Variants in EIF4G1 observed in about 807,000 individuals in gnomAD.
EIF4G1 encodes the protein EIF4-gamma.
EIF4G1 carries 4 observed loss-of-function variants against 187.8 expected under a neutral mutation model. The observed-to-expected ratio is 0.02, with a 90% CI of 0.01 to 0.05. The LOEUF is 0.05. EIF4G1 is among the 10% of genes least tolerant of loss of function. EIF4G1 has a pLI of 1.00. For synonymous variants in EIF4G1, 844 were observed against 781.4 expected, an observed-to-expected ratio of 1.08 and a Z score of -1.34; for missense variants, 1,647 against 2,081.1, an observed-to-expected ratio of 0.79 and a Z score of 4.06.
chr3:184,319,579 G>A, intron 6 of EIF4G1, 110 bp from the exon 7 acceptor site: 1 of 761,824 alleles, frequency 1.3e-6, no homozygotes, highest in Non-Finnish European at 2.3e-6. Flanking sequence ...CAAGGCAAGG[G>A]GCCGGCTGTG....
In EIF4G1 at chr3:184,334,162, G is replaced by A. The variant is rs1348588038; in HGVS notation, c.4619-565G>A. Among the ~76,000 whole-genome samples, 1 of 152,110 alleles carries A rather than the reference G, an allele frequency of 6.6e-6. No homozygotes were observed. The highest frequency in any genetic ancestry group is 1.5e-5 in the Non-Finnish European group (1 of 68,024). On this transcript the variant is annotated intron_variant, in intron 32 of 32. Transcript: ENST00000346169. This position sits in a 1 kb window ranked among gnomAD's most constrained non-coding sequence, Gnocchi z 5.8. Reference sequence around the variant, plus strand: ...CAGCTAGGGGTTGAGGAGAAAGAGGGCCCGAACAGGTGATGCTTGAGTTGA... The same window carrying A: ...CAGCTAGGGGTTGAGGAGAAAGAGGACCCGAACAGGTGATGCTTGAGTTGA...
chr3:184,334,790 A>G lies in EIF4G1; in HGVS notation c.4682A>G (p.Tyr1561Cys). Reference protein sequence around the residue: ...DEDVVKEDAFYSWESSKDPAE... With the variant: ...DEDVVKEDAFCSWESSKDPAE... Reference sequence around the variant, plus strand: ...GACGTGGTGAAGGAGGATGCCTTCTACAGTTGGGAGAGTAGCAAGGACCCC... The same window carrying G: ...GACGTGGTGAAGGAGGATGCCTTCTGCAGTTGGGAGAGTAGCAAGGACCCC... Residue 1561 changes from tyrosine (Y) to cysteine (C), a missense_variant, in exon 33 of 33, where the codon TAC becomes TGC. This residue lies in a region of EIF4G1 where 543 missense variants were observed against 638.0 expected (regional missense o/e 0.85). Coordinates refer to ENST00000346169, the MANE Select transcript of EIF4G1 (RefSeq NM_198241.3). This position sits in a 1 kb window ranked among gnomAD's most constrained non-coding sequence, Gnocchi z 5.8. The G allele has an allele frequency of 6.2e-7, 1 of 1,614,202 alleles. No individual in the cohort carries two copies. Among genetic ancestry groups the G allele is most frequent in the South Asian group, 1.1e-5 (1 of 91,086 alleles).
At chr3:184,328,066 G>C in intron 26 of EIF4G1, 64 bp downstream of exon 26, 1 of 1,575,010 alleles carries the variant, frequency 6.3e-7, no homozygotes, top group Admixed American at 1.7e-5. Flanking sequence ...TCCTTTTTGG[G>C]ACCCTTGGAA....
rs116013687 is a variant in EIF4G1 at position 184,328,425 on chromosome 3, C to T, written c.3954-206C>T. Reference sequence around the variant, plus strand: ...CCAAAAAACAGTATGGGTTCCTTGACCATCCTGGTCAGCATAACTTTAGGG... The same window carrying T: ...CCAAAAAACAGTATGGGTTCCTTGATCATCCTGGTCAGCATAACTTTAGGG... On this transcript the variant is annotated intron_variant, in intron 26 of 32. Transcript: ENST00000346169. 1.5e-3 allele frequency: 1,144 copies of T among 747,108 alleles called. 11 individuals are homozygous for T. The African/African-American group carries it at 0.018, about 12-fold the overall frequency. 46.3% of individuals were successfully genotyped at this position (747,108 alleles called of 1,614,324 possible). A position where few individuals can be genotyped will look rare whatever the true frequency, so the allele number is the denominator to read the frequency against.
In EIF4G1 at chr3:184,315,733, C is replaced by T. The variant is rs990820310; in HGVS notation, c.-34-30C>T. ...ATTTGCCTTAAGCTTGGGTCCCTTCCTCTTCCTGAGCGCCACTCTTTCCCA... is the reference window on the plus strand; with the variant it reads ...ATTTGCCTTAAGCTTGGGTCCCTTCTTCTTCCTGAGCGCCACTCTTTCCCA... On this transcript the variant is annotated intron_variant, in intron 2 of 32. Transcript: ENST00000346169. 5 of 1,526,776 alleles carry T rather than the reference C, an allele frequency of 3.3e-6. No individual in the cohort carries two copies. The African/African-American group carries it at 6.9e-5, about 21-fold the overall frequency. The allele number at this position is 1,526,776 out of a possible 1,614,324, so 94.6% of individuals were successfully genotyped here.
Position 184,325,093 on chromosome 3 carries a change from C to G in EIF4G1, c.2835C>G (p.Asp945Glu). The G allele has an allele frequency of 6.2e-7, 1 of 1,614,154 alleles. No homozygotes were observed. Among genetic ancestry groups the G allele is most frequent in the Non-Finnish European group, 8.5e-7 (1 of 1,180,040 alleles). ...GTCTGCTCACCACCATTGGCAAAGA[C>G]CTGGACTTTGAAAAAGCCAAGGTAG... ...LCRLLTTIGK[D>E]LDFEKAKPRM... Residue 945 changes from aspartate (D) to glutamate (E), a missense_variant, in exon 18 of 33, where the codon GAC becomes GAG. By Grantham distance (45) the Asp-to-Glu change is conservative. Coordinates refer to ENST00000346169, the MANE Select transcript of EIF4G1 (RefSeq NM_198241.3). This position sits in a 1 kb window ranked among gnomAD's most constrained non-coding sequence, Gnocchi z 5.2.
At chr3:184,318,903 C>G (rs1723266382) in intron 6 of EIF4G1, among the ~76,000 whole-genome samples, 1 of 152,100 alleles carries the variant, frequency 6.6e-6, no homozygotes, top group Non-Finnish European at 1.5e-5. Flanking sequence ...CCACGCCTGG[C>G]CCTGTCTCAA....
chr3:184,327,117 A>G, intron 23 of EIF4G1, 99 bp from the exon 24 acceptor site: 1 of 1,573,034 alleles, frequency 6.4e-7, no homozygotes, highest in Non-Finnish European at 8.7e-7. Context: ...CATACTCATT[A>G]TGCTAAGAAC....
At chr3:184,316,584 C>CTT in intron 4 of EIF4G1, 2 of 917,882 alleles carry the variant, frequency 2.2e-6, no homozygotes, top group Non-Finnish European at 3.3e-6. Flanking sequence ...TGGTCCTTGC[C>CTT]TTTCTCTGTT....
Position 184,325,620 on chromosome 3 carries a change from T to A in EIF4G1, c.3102T>A (p.Gly1034=). The change falls in exon 20 of 33, where the codon GGT becomes GGA. Residue 1034 remains glycine, a synonymous_variant. Transcript: ENST00000346169. The surrounding 1 kb of genome is among the most constrained non-coding windows in gnomAD (Gnocchi z 5.2). ...MAKGSDKRRG[G]PPGPPISRGL... ...AGGGCAGTGACAAGCGTCGGGGCGG[T>A]CCTCCAGGCCCTCCCATCAGTGAGT... The A allele has an allele frequency of 6.2e-7, 1 of 1,614,050 alleles. No individual in the cohort carries two copies. The highest frequency in any genetic ancestry group is 8.5e-7 in the Non-Finnish European group (1 of 1,180,008).
chr3:184,331,448 A>G (rs1458207531), intron 29 of EIF4G1, 24 bp from the exon 30 acceptor site: 1 of 1,614,094 alleles, frequency 6.2e-7, no homozygotes, highest in South Asian at 1.1e-5. Context: ...CTTACCTCTT[A>G]ACTGCGGGCC....
In EIF4G1 at chr3:184,317,331, C is replaced by T. The variant is rs1288222974; in HGVS notation, c.158C>T (p.Pro53Leu). The T allele has an allele frequency of 1.9e-6, 3 of 1,613,942 alleles. No individual in the cohort carries two copies. Among genetic ancestry groups the T allele is most frequent in the Non-Finnish European group, 2.5e-6 (3 of 1,180,016 alleles). Residue 53 changes from proline to leucine, a missense_variant, in exon 5 of 33, where the codon CCT becomes CTT. Pro to Leu is a moderately conservative substitution (Grantham distance 98). Around this residue, in one of 11 missense-constraint regions of EIF4G1, gnomAD observed 139 missense variants for 187.3 expected, o/e 0.74. Transcript: ENST00000346169. ...CCTCCCTCCTGACAGCACTTCTACC[C>T]TAGCCGGGCCCAGCCCCCGAGCAGT... ...TPSQPRQHFY[P>L]SRAQPPSSAA...
At chr3:184,315,930 C>T in intron 3 of EIF4G1, 74 bp downstream of exon 3, 5 of 1,514,332 alleles carry the variant, frequency 3.3e-6, no homozygotes, top group East Asian at 4.9e-5. Flanking sequence ...TCTTCCTACC[C>T]CCATCTGTGT....
rs933416427 is a variant in EIF4G1, at chr3:184,334,996, C to T, written c.*88C>T. ...GACTGCAGGGGGGCGGCAGCAGCGG[C>T]GGTGGCAGTGGGTGCCTGTAGTGTG... On this transcript the variant is annotated 3_prime_UTR_variant, in exon 33 of 33. Transcript: ENST00000346169. The surrounding 1 kb of genome is among the most constrained non-coding windows in gnomAD (Gnocchi z 5.8). The T allele has an allele frequency of 1.3e-5, 20 of 1,550,856 alleles. No individual in the cohort carries two copies. Among genetic ancestry groups the T allele is most frequent in the East Asian group, 6.9e-5 (3 of 43,404 alleles).
intron 32 of EIF4G1, among the ~76,000 whole-genome samples, chr3:184,333,804 CTT>C (rs1726583857): frequency 1.3e-5 from 2 of 152,134 alleles, no homozygotes; most frequent in African/African-American, 4.8e-5. Context: ...GTTAGAGAAA[CTT>C]GGGCTTGAAA....
In EIF4G1 at chr3:184,331,250, G is replaced by A. The variant is rs756873325; in HGVS notation, c.4162-16G>A. ...GAGAGAGCTTTGGTAAGCTGGGTTG[G>A]TCTTGTGTTTTCCAGGGTCCTAAAA... On this transcript the variant is annotated splice_polypyrimidine_tract_variant and intron_variant, in intron 28 of 32. Transcript: ENST00000346169. 2.5e-6 allele frequency: 4 copies of A among 1,614,126 alleles called. No individual in the cohort carries two copies. The highest frequency in any genetic ancestry group is 1.7e-5 in the Admixed American group (1 of 60,026).
At position 184,319,673 on chromosome 3, in the gene EIF4G1, T is replaced by TC. The variant is rs200117930; in HGVS notation, c.425-10dup. ...CTGACGCTACCACCATTCTTCTCCG[T>TC]CCCCCCTCCCCCAAGCTGGCGCCTA... On this transcript the variant is annotated splice_polypyrimidine_tract_variant and intron_variant, in intron 6 of 32. Coordinates refer to ENST00000346169, the MANE Select transcript of EIF4G1 (RefSeq NM_198241.3). 102 of 1,505,420 alleles carry TC rather than the reference T, an allele frequency of 6.8e-5. No homozygotes were observed. The East Asian group carries it at 1.5e-3, about 22-fold the overall frequency. 93.3% of individuals were successfully genotyped at this position (1,505,420 alleles called of 1,614,324 possible).
In EIF4G1 at chr3:184,324,867, G is replaced by A. The variant is rs370053069; in HGVS notation, c.2620-11G>A. On this transcript the variant is annotated splice_polypyrimidine_tract_variant and intron_variant, in intron 17 of 32. Coordinates refer to ENST00000346169, the MANE Select transcript of EIF4G1 (RefSeq NM_198241.3). ...ATCTTTTTGACACAATCCCTGTCCT[G>A]TGAATGGCAGGCAGAGGAACGAGGA... 93 of 1,612,702 alleles carry A rather than the reference G, an allele frequency of 5.8e-5. No individual in the cohort carries two copies. The highest frequency in any genetic ancestry group is 7.3e-5 in the Non-Finnish European group (86 of 1,179,878).
chr3:184,317,361 C>T lies in EIF4G1; in HGVS notation c.188C>T (p.Ala63Val), dbSNP rs1438444420. 1 of 1,614,138 alleles carries T rather than the reference C, an allele frequency of 6.2e-7. No homozygotes were observed. The highest frequency in any genetic ancestry group is 1.1e-5 in the South Asian group (1 of 91,084). ...PSRAQPPSSA[A>V]SRVQSAAPAR... ...CGGGCCCAGCCCCCGAGCAGTGCAG[C>T]CTCCCGAGTGCAGAGTGCAGCCCCT... Residue 63 changes from alanine (A) to valine (V), a missense_variant, in exon 5 of 33, where the codon GCC (alanine) becomes GTC (valine). Ala to Val is a moderately conservative substitution (Grantham distance 64). This residue lies in a region of EIF4G1 where 139 missense variants were observed against 187.3 expected (regional missense o/e 0.74). Coordinates refer to ENST00000346169, the MANE Select transcript of EIF4G1 (RefSeq NM_198241.3).
Sources: gnomAD v4.1 joint callset for allele counts (sites outside exome capture counted in the v4.1 genomes callset) on GRCh38, gnomAD v4.1.1 for gene constraint, gnomAD v4.1.1 regional missense constraint, Gnocchi (gnomAD v3.1) non-coding constraint, MANE v1.5 for transcripts, NCBI Gene and HGNC (gene_info 2026-07-23, HGNC 2026-07-21) for gene names.